LRRC74A: variants seen among roughly 807,000 people sequenced by gnomAD.
The protein encoded by LRRC74A is leucine rich repeat containing 74A.
Under a neutral mutation model 57.9 loss-of-function variants are expected in LRRC74A, and 44 were observed. That is an observed-to-expected ratio of 0.76 (90% CI 0.60 to 0.98). The LOEUF (loss-of-function observed/expected upper bound fraction) is 0.98, where lower values mean the gene tolerates loss of function less well. Among genes scored for constraint, LRRC74A ranks in the 50% least tolerant of loss-of-function variants. LRRC74A has a pLI of 0.00. For missense variants in LRRC74A, 572 were observed against 574.0 expected, an observed-to-expected ratio of 1.00 and a Z score of 0.04; for synonymous variants, 211 against 219.4, an observed-to-expected ratio of 0.96 and a Z score of 0.34.
At chr14:76,853,136 G>T (rs996304720) in intron 8 of LRRC74A, 80 bp from the exon 9 acceptor site, 3 of 1,349,594 alleles carry the variant, frequency 2.2e-6, no homozygotes, top group African/African-American at 1.5e-5. Context: ...ATGCCAACAG[G>T]GGGTAGAAAT....
chr14:76,836,056 C>T, intron 3 of LRRC74A, 151 bp from the exon 4 acceptor site: 1 of 611,518 alleles, frequency 1.6e-6, no homozygotes, highest in South Asian at 2.0e-5. Context: ...TGGTTCAGCC[C>T]CCGTTCTGGT....
At chr14:76,853,439 G>GTGTGTA in intron 9 of LRRC74A, 29 bp downstream of exon 9, 1 of 1,365,524 alleles carries the variant, frequency 7.3e-7, no homozygotes. Flanking sequence ...GGGTGTGTGT[G>GTGTGTA]TGTGTGTGTG....
intron 12 of LRRC74A, 86 bp from the exon 13 acceptor site, chr14:76,867,270 T>TGG: frequency 3.7e-6 from 1 of 271,940 alleles, no homozygotes; most frequent in Middle Eastern, 9.1e-4. Flanking sequence ...GTGTGTGTGT[T>TGG]GGGGGGGTAG....
At position 76,870,142 on chromosome 14, in the gene LRRC74A, A is replaced by G. The variant is rs1402366361; in HGVS notation, c.1409A>G (p.Lys470Arg). ...CGTACCAGTTTCTTGAACACGATGA[A>G]GCCATAGCAACAAGTCTGGTCTAGA... Reference protein sequence around the residue: ...MVNFSFLNTMKP With the variant: ...MVNFSFLNTMRP The change falls in exon 14 of 14, where the codon AAG becomes AGG. Residue 470 changes from lysine to arginine, a missense_variant. Lys to Arg is a conservative substitution (Grantham distance 26). Transcript: ENST00000689127. 6.2e-7 allele frequency: 1 copy of G among 1,611,532 alleles called. No homozygotes were observed. Among genetic ancestry groups the G allele is most frequent in the African/African-American group, 1.3e-5 (1 of 75,054 alleles).
intron 12 of LRRC74A, 68 bp from the exon 13 acceptor site, chr14:76,867,288 G>A: frequency 4.1e-6 from 2 of 487,174 alleles, no homozygotes; most frequent in Non-Finnish European, 7.5e-6. Flanking sequence ...TAGTGTGTTT[G>A]GGGGGGTGTG....
intron 5 of LRRC74A, among the ~76,000 whole-genome samples, chr14:76,842,308 T>A (rs181230453): frequency 6.6e-6 from 1 of 152,344 alleles, no homozygotes; most frequent in African/African-American, 2.4e-5. Context: ...TGAAAGTTTT[T>A]TCTTTTCCAA....
rs188303516 is a variant in LRRC74A, at chr14:76,826,426, G to A, written c.-272G>A. 391 of 1,196,730 alleles carry A rather than the reference G, an allele frequency of 3.3e-4. No individual in the cohort carries two copies. The highest frequency in any genetic ancestry group is 4.1e-4 in the Non-Finnish European group (352 of 851,196). 74.1% of individuals were successfully genotyped at this position (1,196,730 alleles called of 1,614,324 possible). A position where few individuals can be genotyped will look rare whatever the true frequency, so the allele number is the denominator to read the frequency against. On this transcript the variant is annotated 5_prime_UTR_variant, in exon 1 of 14. Transcript: ENST00000689127. Reference sequence around the variant, plus strand: ...CCTTTCAACAGGGCTCCCAGCAATAGAGCAGTCCCACTCTCCCAGATGAGC... The same window carrying A: ...CCTTTCAACAGGGCTCCCAGCAATAAAGCAGTCCCACTCTCCCAGATGAGC...
intron 13 of LRRC74A, among the ~76,000 whole-genome samples, chr14:76,868,415 G>C (rs80051529): frequency 0.074 from 11,325 of 152,284 alleles, 1,040 homozygotes; most frequent in African/African-American, 0.21. Flanking sequence ...GCTACAGCCA[G>C]CCGAGATTGC....
At chr14:76,832,305 T>C (rs1349985320) in intron 3 of LRRC74A, among the ~76,000 whole-genome samples, 1 of 152,056 alleles carries the variant, frequency 6.6e-6, no homozygotes, top group African/African-American at 2.4e-5. Context: ...CCCTAAGGAG[T>C]TCTGGTCTAG....
At chr14:76,861,602 C>T (rs546317334) in intron 11 of LRRC74A, among the ~76,000 whole-genome samples, 2 of 152,340 alleles carry the variant, frequency 1.3e-5, no homozygotes, top group Admixed American at 6.5e-5. Context: ...CTCATCTTTT[C>T]TTAGATTAGC....
chr14:76,831,545 G>A (rs1269722319), intron 3 of LRRC74A, among the ~76,000 whole-genome samples, 170 bp downstream of exon 3: 1 of 152,042 alleles, frequency 6.6e-6, no homozygotes, highest in Non-Finnish European at 1.5e-5. Context: ...TTTAGCTCCT[G>A]GTAGGAGGCT....
At chr14:76,826,912 G>C (rs1215693745) in intron 1 of LRRC74A, among the ~76,000 whole-genome samples, 178 bp downstream of exon 1, 5 of 152,224 alleles carry the variant, frequency 3.3e-5, no homozygotes, top group South Asian at 4.1e-4. Context: ...ATTGGCTGCA[G>C]TGCTATGCCA....
chr14:76,831,049 C>T (rs1895935905), intron 2 of LRRC74A, among the ~76,000 whole-genome samples, 154 bp from the exon 3 acceptor site: 1 of 152,250 alleles, frequency 6.6e-6, no homozygotes, highest in Non-Finnish European at 1.5e-5. Flanking sequence ...CATGGACTGA[C>T]TTCCCAGACA....
intron 11 of LRRC74A, among the ~76,000 whole-genome samples, chr14:76,864,366 C>T (rs905350734): frequency 1.5e-5 from 2 of 135,090 alleles, no homozygotes; most frequent in Admixed American, 8.9e-5. Context: ...AAATAGCTAT[C>T]GATACAGTAG....
At chr14:76,846,104 T>G (rs1200495457) in intron 7 of LRRC74A, among the ~76,000 whole-genome samples, 1 of 152,210 alleles carries the variant, frequency 6.6e-6, no homozygotes, top group Non-Finnish European at 1.5e-5. Context: ...AGAATGTTGA[T>G]AAAAGATCCT....
At chr14:76,844,532 C>G in intron 6 of LRRC74A, 60 bp downstream of exon 6, 1 of 1,537,670 alleles carries the variant, frequency 6.5e-7, no homozygotes, top group Non-Finnish European at 8.9e-7. Flanking sequence ...ATCTGGGCAA[C>G]CTGGGGCTGC....
intron 11 of LRRC74A, among the ~76,000 whole-genome samples, chr14:76,861,248 A>G (rs1898283134): frequency 6.6e-6 from 1 of 152,226 alleles, no homozygotes; most frequent in South Asian, 2.1e-4. Context: ...AAATGCATGA[A>G]GTGCTTAGAA....
chr14:76,846,811 G>A (rs56281618), intron 7 of LRRC74A, among the ~76,000 whole-genome samples: 7,464 of 128,486 alleles, frequency 0.058, 354 homozygotes, highest in African/African-American at 0.15. Flanking sequence ...TTTTGGCCAC[G>A]TGATGTTTGC....
At chr14:76,849,527 C>T (rs185239876) in intron 7 of LRRC74A, among the ~76,000 whole-genome samples, 3 of 151,520 alleles carry the variant, frequency 2.0e-5, no homozygotes, top group Admixed American at 6.6e-5. Context: ...TATTGCTGGG[C>T]GGGGTAGATC....
Sources: allele counts gnomAD v4.1 joint callset (sites outside exome capture counted in the v4.1 genomes callset), GRCh38; gene constraint gnomAD v4.1.1; transcripts MANE v1.5; gene names NCBI Gene and HGNC (gene_info 2026-07-23, HGNC 2026-07-21).